The following PRSS12 variants were observed in gnomAD, a reference collection of about 807,000 sequenced individuals.
PRSS12 encodes the protein serine protease 12, also known as neurotrypsin.
PRSS12 carries 85 observed loss-of-function variants against 104.4 expected under a neutral mutation model. The ratio of observed to expected loss-of-function variants is 0.81; its 90% CI spans 0.68 to 0.98. The LOEUF (loss-of-function observed/expected upper bound fraction) is 0.98. Among genes scored for constraint, PRSS12 ranks in the 50% least tolerant of loss-of-function variants. The pLI is 0.00. For synonymous variants in PRSS12, 454 were observed against 425.2 expected, an observed-to-expected ratio of 1.07 and a Z score of -0.83; for missense variants, 1,141 against 1,139.2, an observed-to-expected ratio of 1.00 and a Z score of -0.02.
At chr4:118,339,205 C>T (rs1475916500) in intron 1 of PRSS12, among the ~76,000 whole-genome samples, 1 of 152,108 alleles carries the variant, frequency 6.6e-6, no homozygotes, top group Non-Finnish European at 1.5e-5. Flanking sequence ...GCAAGTGGGA[C>T]AACTGAGCAG....
At chr4:118,291,378 C>T (rs907154669) in intron 11 of PRSS12, among the ~76,000 whole-genome samples, 2 of 152,238 alleles carry the variant, frequency 1.3e-5, no homozygotes, top group Non-Finnish European at 1.5e-5. Context: ...CCTAAGCTCT[C>T]TCTGCTTAAA....
In PRSS12 at chr4:118,338,209, T is replaced by A; in HGVS notation, c.608A>T (p.Asp203Val). ...TVCSSHWDDSDASVICHQLQL... is the reference protein window; with the variant it reads ...TVCSSHWDDSVASVICHQLQL... ...CAGCTGGTGACAAATGACTGATGCA[T>A]CAGAATCATCCCAGTGGCTGCTACA... Residue 203 changes from aspartate (D) to valine (V), a missense_variant, in exon 2 of 13, where the codon GAT (aspartate) becomes GTT (valine). Transcript: ENST00000296498. The A allele has an allele frequency of 6.2e-7, 1 of 1,614,040 alleles. No individual in the cohort carries two copies. Among genetic ancestry groups the A allele is most frequent in the Non-Finnish European group, 8.5e-7 (1 of 1,179,948 alleles).
At chr4:118,343,319 C>T (rs1040119160) in intron 1 of PRSS12, among the ~76,000 whole-genome samples, 5 of 152,012 alleles carry the variant, frequency 3.3e-5, no homozygotes, top group African/African-American at 1.2e-4. Flanking sequence ...TGCTTGTACC[C>T]AGGAGTTCAA....
rs771322098 is a variant in PRSS12, at chr4:118,281,968, C to T, written c.2596G>A (p.Val866Ile). 2.1e-6 allele frequency: 3 copies of T among 1,461,288 alleles called. No homozygotes were observed. The Admixed American group carries it at 5.0e-5, about 24-fold the overall frequency. The allele number at this position is 1,461,288 out of a possible 1,614,324, so 90.5% of individuals were successfully genotyped here. A position where few individuals can be genotyped will look rare whatever the true frequency, so the allele number is the denominator to read the frequency against. The change falls in exon 13 of 13, where the codon GTA becomes ATA. Residue 866 changes from valine (V) to isoleucine (I), a missense_variant. Physicochemically the swap from Val to Ile is conservative, Grantham distance 29 (BLOSUM62 3). Transcript: ENST00000296498. ...TTGGTGACACTTTTTATCCAAGGTA[C>T]AAAGGCTGAGACTTTGGTATAAACA... ...PGVYTKVSAF[V>I]PWIKSVTKL
Position 118,352,368 on chromosome 4 carries a change from A to G in PRSS12, c.353T>C (p.Phe118Ser). Residue 118 changes from phenylalanine to serine, a missense_variant, in exon 1 of 13, where the codon TTC becomes TCC. Phe to Ser is a radical substitution (Grantham distance 155). Transcript: ENST00000296498. ...PCLRWAEVPPFLERSPPASWA... is the reference protein window; with the variant it reads ...PCLRWAEVPPSLERSPPASWA... The stretch of plus-strand genomic sequence containing the variant: ...GCTCGCTGGGGGCGACCGCTCCAGG[A>G]AGGGTGGCACCTCCGCCCACCGCAG... 6.4e-7 allele frequency: 1 copy of G among 1,561,908 alleles called. No individual in the cohort carries two copies. Among genetic ancestry groups the G allele is most frequent in the Non-Finnish European group, 8.6e-7 (1 of 1,159,732 alleles).
chr4:118,301,004 C>T (rs1347305751), intron 8 of PRSS12, among the ~76,000 whole-genome samples: 1 of 151,798 alleles, frequency 6.6e-6, no homozygotes, highest in Non-Finnish European at 1.5e-5. Flanking sequence ...AGATTTCTTC[C>T]TAGAAGTTTT....
At chr4:118,336,893 A>G (rs984708542) in intron 2 of PRSS12, among the ~76,000 whole-genome samples, 1 of 152,236 alleles carries the variant, frequency 6.6e-6, no homozygotes, top group African/African-American at 2.4e-5. Context: ...CCCACTTGCC[A>G]ATTGTCTGTT....
rs77094447 is a variant in PRSS12, at chr4:118,305,505, T to C, written c.1631+2931A>G. Among the ~76,000 whole-genome samples, 22 of 152,190 alleles carry C rather than the reference T, an allele frequency of 1.4e-4. No individual in the cohort carries two copies. In the East Asian group the frequency reaches 4.1e-3, roughly 28 times the overall value. On this transcript the variant is annotated intron_variant, in intron 8 of 12. Coordinates refer to ENST00000296498, the MANE Select transcript of PRSS12 (RefSeq NM_003619.4). ...GGTATAATCAATATAAAAAATCTTC[T>C]TCAGTTTGGACATATGCATGTATCT...
At chr4:118,304,152 G>A (rs1163456431) in intron 8 of PRSS12, among the ~76,000 whole-genome samples, 1 of 151,638 alleles carries the variant, frequency 6.6e-6, no homozygotes, top group Admixed American at 6.6e-5. Context: ...CTGTATATAT[G>A]CATACATGTG....
intron 4 of PRSS12, among the ~76,000 whole-genome samples, chr4:118,321,808 G>T (rs983515228): frequency 6.6e-6 from 1 of 151,936 alleles, no homozygotes; most frequent in African/African-American, 2.4e-5. Flanking sequence ...AACATTTTCT[G>T]GTTTTAATGT....
intron 4 of PRSS12, among the ~76,000 whole-genome samples, chr4:118,326,328 T>C (rs1723769196): frequency 6.6e-6 from 1 of 152,240 alleles, no homozygotes; most frequent in Non-Finnish European, 1.5e-5. Flanking sequence ...GCTTCCTGCA[T>C]GCCTGGCACT....
chr4:118,326,320 T>C (rs11936077), intron 4 of PRSS12, among the ~76,000 whole-genome samples: 3,406 of 152,308 alleles, frequency 0.022, 127 homozygotes, highest in African/African-American at 0.078. Flanking sequence ...TATCAAATGC[T>C]TCCTGCATGC....
intron 11 of PRSS12, among the ~76,000 whole-genome samples, chr4:118,294,002 G>C (rs1239972180): frequency 6.6e-6 from 1 of 152,178 alleles, no homozygotes; most frequent in East Asian, 1.9e-4. Flanking sequence ...TCTTTCAATA[G>C]CAGTTAAAAT....
At chr4:118,338,391 A>G in intron 1 of PRSS12, 77 bp from the exon 2 acceptor site, 1 of 1,563,768 alleles carries the variant, frequency 6.4e-7, no homozygotes, top group Non-Finnish European at 8.8e-7. Flanking sequence ...CTGGGTTAAC[A>G]TGATTTTTAA....
At chr4:118,326,918 GGAA>G (rs1457367084) in intron 4 of PRSS12, among the ~76,000 whole-genome samples, 1 of 151,814 alleles carries the variant, frequency 6.6e-6, no homozygotes, top group Admixed American at 6.6e-5. Context: ...GGGCCACATT[GGAA>G]GAAGAAGACT....
chr4:118,342,487 G>A (rs1451727783), intron 1 of PRSS12, among the ~76,000 whole-genome samples: 1 of 152,118 alleles, frequency 6.6e-6, no homozygotes, highest in East Asian at 1.9e-4. Context: ...AGTGCCACGT[G>A]CACAGAAAAT....
At chr4:118,334,265 T>G (rs1231572316) in intron 3 of PRSS12, among the ~76,000 whole-genome samples, 3 of 152,104 alleles carry the variant, frequency 2.0e-5, no homozygotes, top group Admixed American at 1.3e-4. Flanking sequence ...TATAAACAGA[T>G]GAATAGATTA....
intron 1 of PRSS12, among the ~76,000 whole-genome samples, chr4:118,338,632 G>C (rs1724120722): frequency 6.6e-6 from 1 of 151,980 alleles, no homozygotes; most frequent in Non-Finnish European, 1.5e-5. Context: ...ATTTTCAAAG[G>C]GGGAAAAAGT....
intron 7 of PRSS12, among the ~76,000 whole-genome samples, chr4:118,311,559 TATGA>T: frequency 1.3e-5 from 2 of 152,320 alleles, no homozygotes; most frequent in Admixed American, 1.3e-4. Context: ...AGTAATGATC[TATGA>T]ATGAACAAAT....
Sources: gnomAD v4.1 joint callset for allele counts (sites outside exome capture counted in the v4.1 genomes callset) on GRCh38, gnomAD v4.1.1 for gene constraint, MANE v1.5 for transcripts, NCBI Gene and HGNC (gene_info 2026-07-23, HGNC 2026-07-21) for gene names.